The following ADAM32 variants were observed in gnomAD, a reference collection of about 807,000 sequenced individuals.
The protein encoded by ADAM32 is disintegrin and metalloproteinase domain-containing protein 32.
Under a neutral mutation model 114.9 loss-of-function variants are expected in ADAM32, and 89 were observed. The ratio of observed to expected loss-of-function variants is 0.77; its 90% CI spans 0.65 to 0.92. The LOEUF (loss-of-function observed/expected upper bound fraction) is 0.92, where lower values mean the gene tolerates loss of function less well. Ranked by LOEUF, ADAM32 falls within the 40% of genes least tolerant of loss-of-function variation. ADAM32 has a pLI of 0.00. For synonymous variants in ADAM32, 285 were observed against 307.5 expected (o/e 0.93, Z 0.77); for missense variants, 870 against 932.8 (o/e 0.93, Z 0.88).
chr8:39,213,652 C>T (rs1405299274), intron 12 of ADAM32, among the ~76,000 whole-genome samples: 1 of 152,104 alleles, frequency 6.6e-6, no homozygotes, highest in African/African-American at 2.4e-5. Flanking sequence ...TTCCCTCAAA[C>T]TTTATTTTTT....
intron 2 of ADAM32, among the ~76,000 whole-genome samples, chr8:39,120,061 C>A (rs1380897623): frequency 6.6e-6 from 1 of 152,210 alleles, no homozygotes; most frequent in Non-Finnish European, 1.5e-5. Flanking sequence ...AGAGGCCTCA[C>A]CAGAAATCAG....
chr8:39,162,715 A>T (rs1403485521), intron 7 of ADAM32, among the ~76,000 whole-genome samples: 4 of 152,150 alleles, frequency 2.6e-5, no homozygotes, highest in South Asian at 2.1e-4. Context: ...AGTAAAAAAA[A>T]ACCCTTGGTC....
intron 14 of ADAM32, among the ~76,000 whole-genome samples, chr8:39,231,399 C>A (rs1019725945): frequency 1.1e-4 from 16 of 152,148 alleles, no homozygotes; most frequent in Non-Finnish European, 1.8e-4. Flanking sequence ...GATGACACTG[C>A]AGCCCCAGCC....
chr8:39,271,460 C>CA (rs33982521), intron 20 of ADAM32, among the ~76,000 whole-genome samples: 5,037 of 110,220 alleles, frequency 0.046, 273 homozygotes, highest in African/African-American at 0.13. Context: ...CTTAACCTTA[C>CA]AAAAAAAAAA....
chr8:39,187,093 T>C, intron 11 of ADAM32, 48 bp downstream of exon 11: 1 of 1,516,864 alleles, frequency 6.6e-7, no homozygotes, highest in South Asian at 1.3e-5. Context: ...TCATTTTAAA[T>C]ATTCAGAGTG....
intron 6 of ADAM32, among the ~76,000 whole-genome samples, chr8:39,153,738 C>G (rs1803981838): frequency 6.6e-6 from 1 of 152,178 alleles, no homozygotes; most frequent in East Asian, 1.9e-4. Context: ...CTGGTCTCTC[C>G]TGGGAGAACT....
At chr8:39,249,346 T>A (rs1422220428) in intron 17 of ADAM32, among the ~76,000 whole-genome samples, 1 of 152,204 alleles carries the variant, frequency 6.6e-6, no homozygotes, top group African/African-American at 2.4e-5. Flanking sequence ...CTGCGATAAA[T>A]CTTGTTTGTG....
chr8:39,212,347 G>A (rs1176883733), intron 12 of ADAM32, among the ~76,000 whole-genome samples: 2 of 151,820 alleles, frequency 1.3e-5, no homozygotes, highest in Non-Finnish European at 2.9e-5. Context: ...ATCTTATTGG[G>A]GTATAATCCA....
intron 6 of ADAM32, chr8:39,157,669 A>C (rs1231875651): frequency 5.4e-6 from 4 of 743,562 alleles, no homozygotes; most frequent in Non-Finnish European, 9.3e-6. Context: ...TCTTCTCCAG[A>C]GCCTGCTGCT....
At chr8:39,283,124 T>A (rs2129451853) in intron 23 of ADAM32, among the ~76,000 whole-genome samples, 1 of 151,966 alleles carries the variant, frequency 6.6e-6, no homozygotes, top group South Asian at 2.1e-4. Context: ...AAAGACTGGG[T>A]GTGGTGGCTC....
chr8:39,215,557 C>G (rs1320793742), intron 12 of ADAM32, among the ~76,000 whole-genome samples: 1 of 151,900 alleles, frequency 6.6e-6, no homozygotes, highest in African/African-American at 2.4e-5. Flanking sequence ...CTGTTTTGCT[C>G]TATCCCATAG....
chr8:39,197,743 A>C (rs1414230059), intron 11 of ADAM32, among the ~76,000 whole-genome samples: 1 of 152,182 alleles, frequency 6.6e-6, no homozygotes, highest in Non-Finnish European at 1.5e-5. Flanking sequence ...CATGTGGACT[A>C]TGCTGGAGAA....
At chr8:39,274,982 C>T (rs989116816) in intron 21 of ADAM32, among the ~76,000 whole-genome samples, 4 of 152,158 alleles carry the variant, frequency 2.6e-5, no homozygotes, top group Non-Finnish European at 5.9e-5. Flanking sequence ...AATTAAGGCT[C>T]CTGTTTCTCT....
intron 2 of ADAM32, among the ~76,000 whole-genome samples, chr8:39,127,693 T>G (rs1233161695): frequency 6.6e-6 from 1 of 152,118 alleles, no homozygotes; most frequent in Non-Finnish European, 1.5e-5. Context: ...TCTGCCCTGA[T>G]TTTGGTTATT....
chr8:39,190,166 T>G (rs1005983553), intron 11 of ADAM32, among the ~76,000 whole-genome samples: 1 of 152,236 alleles, frequency 6.6e-6, no homozygotes, highest in Non-Finnish European at 1.5e-5. Context: ...TGTGCCTGGC[T>G]TTTTTCACTT....
chr8:39,143,708 T>G (rs867350653), intron 3 of ADAM32, among the ~76,000 whole-genome samples: 7 of 152,140 alleles, frequency 4.6e-5, no homozygotes, highest in Admixed American at 2.0e-4. Context: ...TTCTTGGAGC[T>G]CAAATGCTGT....
At chr8:39,279,942 G>A (rs1813324610) in intron 22 of ADAM32, among the ~76,000 whole-genome samples, 1 of 152,158 alleles carries the variant, frequency 6.6e-6, no homozygotes. Context: ...ATGTTGTAAT[G>A]TTTTCCATGC....
At chr8:39,240,616 C>T (rs745921807) in intron 16 of ADAM32, among the ~76,000 whole-genome samples, 15 of 152,186 alleles carry the variant, frequency 9.9e-5, no homozygotes, top group South Asian at 4.1e-4. Flanking sequence ...GGGGAGGCCT[C>T]ACAATCATGG....
At chr8:39,117,824 C>T (rs531774819) in intron 1 of ADAM32, among the ~76,000 whole-genome samples, 1 of 151,940 alleles carries the variant, frequency 6.6e-6, no homozygotes, top group Non-Finnish European at 1.5e-5. Flanking sequence ...TGAAGTATGT[C>T]TTTGATTTTT....
Sources: gnomAD v4.1 joint callset for allele counts (sites outside exome capture counted in the v4.1 genomes callset) on GRCh38, gnomAD v4.1.1 for gene constraint, MANE v1.5 for transcripts, NCBI Gene and HGNC (gene_info 2026-07-23, HGNC 2026-07-21) for gene names.